The following PIP5K1B variants were observed in gnomAD, a reference collection of about 807,000 sequenced individuals.
The protein encoded by PIP5K1B is phosphatidylinositol-4-phosphate 5-kinase type 1 beta, also known as phosphatidylinositol 4-phosphate 5-kinase type-1 beta.
A neutral mutation model predicts 67.0 loss-of-function variants in PIP5K1B; 42 were observed. The ratio of observed to expected loss-of-function variants is 0.63; its 90% CI spans 0.49 to 0.81. PIP5K1B has a LOEUF of 0.81. PIP5K1B is among the 30% of genes least tolerant of loss of function. PIP5K1B has a pLI of 0.00. For synonymous variants in PIP5K1B, 214 were observed against 231.4 expected, an observed-to-expected ratio of 0.92 and a Z score of 0.68; for missense variants, 459 against 646.3, an observed-to-expected ratio of 0.71 and a Z score of 3.14.
intron 2 of PIP5K1B, among the ~76,000 whole-genome samples, chr9:68,758,517 G>C (rs1448896195): frequency 2.6e-5 from 4 of 152,086 alleles, no homozygotes; most frequent in Admixed American, 6.6e-5. Context: ...GTGAAAGAGA[G>C]GAAAGTCAGT....
chr9:68,964,533 T>G (rs972252701), intron 14 of PIP5K1B, among the ~76,000 whole-genome samples: 3 of 152,186 alleles, frequency 2.0e-5, no homozygotes, highest in African/African-American at 4.8e-5. Context: ...CTGACCTGAC[T>G]CCCCATATAG....
At chr9:68,942,135 T>A (rs1827590745) in intron 14 of PIP5K1B, among the ~76,000 whole-genome samples, 1 of 152,246 alleles carries the variant, frequency 6.6e-6, no homozygotes, top group South Asian at 2.1e-4. Context: ...TAATGTGTAA[T>A]ACTTAGTAGT....
chr9:68,798,762 T>C (rs2132524902), intron 2 of PIP5K1B, among the ~76,000 whole-genome samples: 1 of 152,330 alleles, frequency 6.6e-6, no homozygotes, highest in Non-Finnish European at 1.5e-5. Context: ...CTGAACTGAT[T>C]TCTTTTTTAA....
intron 11 of PIP5K1B, among the ~76,000 whole-genome samples, chr9:68,922,611 A>C (rs1826466417): frequency 1.3e-5 from 2 of 152,214 alleles, no homozygotes; most frequent in Admixed American, 1.3e-4. Context: ...TAGCTCCTTC[A>C]TCCACCTCCT....
At chr9:68,716,126 A>C (rs1827623177) in intron 1 of PIP5K1B, among the ~76,000 whole-genome samples, 1 of 152,232 alleles carries the variant, frequency 6.6e-6, no homozygotes, top group Non-Finnish European at 1.5e-5. Context: ...AAAGCAGAGC[A>C]AGAGATGTGA....
rs1825031651 is a variant in PIP5K1B, at chr9:68,895,399, A to T, written c.771+761A>T. Among the ~76,000 whole-genome samples, 3 of 152,292 alleles carry T rather than the reference A, an allele frequency of 2.0e-5. No individual in the cohort carries two copies. In the South Asian group the frequency reaches 6.2e-4, roughly 32 times the overall value. On this transcript the variant is annotated intron_variant, in intron 8 of 15. Coordinates refer to ENST00000265382, the MANE Select transcript of PIP5K1B (RefSeq NM_003558.4). ...GATAATAATCATGGGAGAACCGTCC[A>T]GCCACTTGGCTAAGTTGGGTAGTGG...
intron 2 of PIP5K1B, among the ~76,000 whole-genome samples, chr9:68,771,718 T>C (rs1276737271): frequency 2.0e-5 from 3 of 152,130 alleles, no homozygotes; most frequent in East Asian, 3.8e-4. Flanking sequence ...ATGAAAAGGG[T>C]CTTAACTGTA....
At chr9:68,768,071 G>A (rs1035246323) in intron 2 of PIP5K1B, among the ~76,000 whole-genome samples, 6 of 152,086 alleles carry the variant, frequency 3.9e-5, no homozygotes, top group African/African-American at 1.2e-4. Flanking sequence ...AACTGTACAC[G>A]GAAAGTACCA....
At chr9:68,761,145 T>C (rs926752830) in intron 2 of PIP5K1B, among the ~76,000 whole-genome samples, 1 of 152,082 alleles carries the variant, frequency 6.6e-6, no homozygotes, top group African/African-American at 2.4e-5. Context: ...ATATTTTCAT[T>C]TGCACATTAA....
intron 6 of PIP5K1B, 115 bp downstream of exon 6, chr9:68,876,909 T>G: frequency 1.6e-6 from 1 of 608,372 alleles, no homozygotes; most frequent in Non-Finnish European, 2.9e-6. Flanking sequence ...TGGGGCGTAG[T>G]AAAAGTTCCA....
chr9:68,707,037 G>A (rs920575830), intron 1 of PIP5K1B, among the ~76,000 whole-genome samples: 5 of 152,154 alleles, frequency 3.3e-5, no homozygotes, highest in African/African-American at 4.8e-5. Flanking sequence ...GAAAGGAGAC[G>A]CTGGGAAAAA....
At chr9:68,813,820 A>C (rs1017293120) in intron 2 of PIP5K1B, among the ~76,000 whole-genome samples, 8 of 152,320 alleles carry the variant, frequency 5.3e-5, no homozygotes, top group South Asian at 2.1e-4. Context: ...CCAGAAGCTA[A>C]AAAGTAGCAA....
chr9:68,961,072 C>T (rs1485265517), intron 14 of PIP5K1B, among the ~76,000 whole-genome samples: 7 of 151,902 alleles, frequency 4.6e-5, no homozygotes, highest in Non-Finnish European at 8.8e-5. Context: ...TAGCCGGGCG[C>T]GGTGGCGGGC....
intron 2 of PIP5K1B, among the ~76,000 whole-genome samples, chr9:68,751,366 T>C (rs1829623750): frequency 6.6e-6 from 1 of 152,244 alleles, no homozygotes; most frequent in South Asian, 2.1e-4. Flanking sequence ...CAGCTTTTCA[T>C]AGGCAAACAT....
intron 14 of PIP5K1B, among the ~76,000 whole-genome samples, chr9:68,959,642 A>G (rs1828605294): frequency 6.6e-6 from 1 of 152,110 alleles, no homozygotes; most frequent in Non-Finnish European, 1.5e-5. Context: ...CTCCAAGTAG[A>G]GTTGCATCAT....
chr9:68,824,290 G>C, intron 4 of PIP5K1B: 1 of 516,594 alleles, frequency 1.9e-6, no homozygotes, highest in East Asian at 5.5e-5. Context: ...ATCCTTTGTC[G>C]CTGCAAAAGT....
chr9:68,964,306 A>G (rs1160943253), intron 14 of PIP5K1B, among the ~76,000 whole-genome samples: 1 of 152,258 alleles, frequency 6.6e-6, no homozygotes, highest in African/African-American at 2.4e-5. Flanking sequence ...TTATAAAAGG[A>G]TGATTATGAT....
intron 1 of PIP5K1B, among the ~76,000 whole-genome samples, chr9:68,715,228 C>T (rs1250899083): frequency 6.6e-6 from 1 of 152,212 alleles, no homozygotes; most frequent in Non-Finnish European, 1.5e-5. Flanking sequence ...GGAGTGGGGC[C>T]TGGGGCTGGG....
intron 2 of PIP5K1B, among the ~76,000 whole-genome samples, chr9:68,798,860 G>A (rs1564144269): frequency 6.6e-6 from 1 of 152,196 alleles, no homozygotes; most frequent in African/African-American, 2.4e-5. Context: ...TGGTGACTGG[G>A]CTGAGGTGTA....
Sources: gnomAD v4.1 joint callset for allele counts (sites outside exome capture counted in the v4.1 genomes callset) on GRCh38, gnomAD v4.1.1 for gene constraint, MANE v1.5 for transcripts, NCBI Gene and HGNC (gene_info 2026-07-23, HGNC 2026-07-21) for gene names.